The following LCP2 variants were observed in gnomAD, a reference collection of about 807,000 sequenced individuals.
LCP2 encodes the protein lymphocyte cytosolic protein 2, also known as 76 kDa tyrosine phosphoprotein.
A neutral mutation model predicts 74.5 loss-of-function variants in LCP2; 29 were observed. The observed-to-expected ratio is 0.39, with a 90% CI of 0.29 to 0.53. The LOEUF is 0.53. Ranked by LOEUF, LCP2 falls within the 20% of genes least tolerant of loss-of-function variation. LCP2 has a pLI of 0.72. For synonymous variants in LCP2, 228 were observed against 229.5 expected (o/e 0.99, Z 0.06); for missense variants, 604 against 634.6 (o/e 0.95, Z 0.52).
intron 6 of LCP2, among the ~76,000 whole-genome samples, 168 bp from the exon 7 acceptor site, chr5:170,271,085 A>G (rs1361322462): frequency 6.6e-6 from 1 of 152,168 alleles, no homozygotes; most frequent in African/African-American, 2.4e-5. Context: ...GTCAGGGAGC[A>G]CTGTACCACA....
rs1055811937 is a variant in LCP2, at chr5:170,267,024, G to T, written c.673C>A (p.His225Asn). Residue 225 changes from histidine (H) to asparagine (N), a missense_variant, in exon 9 of 21, where the codon CAC becomes AAC. Transcript: ENST00000046794. ...NHEEPSRSRN[H>N]KTAKLPAPSI... ...TTGTACTCACGCTTTGCCGTTTTGT[G>T]GTTTCTGCTTCTGCTGGGTTCTTCG... The T allele has an allele frequency of 1.9e-6, 3 of 1,613,838 alleles. No individual in the cohort carries two copies. The Admixed American group carries it at 5.0e-5, about 27-fold the overall frequency.
chr5:170,292,649 T>A (rs970362707), intron 2 of LCP2, among the ~76,000 whole-genome samples: 1 of 152,194 alleles, frequency 6.6e-6, no homozygotes, highest in Admixed American at 6.5e-5. Context: ...AAAGGATGGA[T>A]TGGTGCAGTC....
intron 6 of LCP2, among the ~76,000 whole-genome samples, chr5:170,272,568 GGTTATAACT>G (rs1761912443): frequency 7.2e-6 from 1 of 138,628 alleles, no homozygotes; most frequent in African/African-American, 2.7e-5. Context: ...AAATGAGATC[GGTTATAACT>G]GTAACCCATC....
Position 170,247,708 on chromosome 5 carries a change from A to G in LCP2, c.*989T>C, listed in dbSNP as rs1224377626. 6.6e-6 allele frequency: 1 copy of G among 152,256 alleles called. No individual in the cohort carries two copies. The highest frequency in any genetic ancestry group is 1.5e-5 in the Non-Finnish European group (1 of 68,046). The allele number at this position is 152,256 out of a possible 1,614,324, so 9.4% of individuals were successfully genotyped here. On this transcript the variant is annotated 3_prime_UTR_variant, in exon 21 of 21. Coordinates refer to ENST00000046794, the MANE Select transcript of LCP2 (RefSeq NM_005565.5). Reference sequence around the variant, plus strand: ...GGGAAGGATGAGGAGAAGGGACTTTATGGCAGAGCTGTCAGGGGGATAACA... The same window carrying G: ...GGGAAGGATGAGGAGAAGGGACTTTGTGGCAGAGCTGTCAGGGGGATAACA...
Position 170,266,996 on chromosome 5 carries a change from C to T in LCP2, c.688+13G>A, listed in dbSNP as rs757954037. ...GTGGGAACAGGGCAAGAGAGAGCAGCCCTTGTACTCACGCTTTGCCGTTTT... is the reference window on the plus strand; with the variant it reads ...GTGGGAACAGGGCAAGAGAGAGCAGTCCTTGTACTCACGCTTTGCCGTTTT... On this transcript the variant is annotated intron_variant, in intron 9 of 20. Coordinates refer to ENST00000046794, the MANE Select transcript of LCP2 (RefSeq NM_005565.5). The T allele has an allele frequency of 1.5e-5, 24 of 1,613,772 alleles. No individual in the cohort carries two copies. Among genetic ancestry groups the T allele is most frequent in the Non-Finnish European group, 2.0e-5 (24 of 1,179,858 alleles).
Position 170,249,326 on chromosome 5 carries a change from C to A in LCP2, c.1480-507G>T, listed in dbSNP as rs575622727. 9.5e-5 allele frequency among the ~76,000 whole-genome samples: 14 copies of A among 146,822 alleles called. No homozygotes were observed. In the Admixed American group the frequency reaches 9.6e-4, roughly 10 times the overall value. The stretch of plus-strand genomic sequence containing the variant: ...CTGGGTAACAAGAAGGAAACTCCAT[C>A]TCAAAAAAAAATAGATAAAATATGT... On this transcript the variant is annotated intron_variant, in intron 20 of 20. Coordinates refer to ENST00000046794, the MANE Select transcript of LCP2 (RefSeq NM_005565.5).
chr5:170,272,152 C>G (rs371315873), intron 6 of LCP2, among the ~76,000 whole-genome samples: 2 of 152,152 alleles, frequency 1.3e-5, no homozygotes, highest in East Asian at 3.8e-4. Context: ...CTTTCCTCAC[C>G]CTGTCTACCC....
intron 16 of LCP2, among the ~76,000 whole-genome samples, chr5:170,257,335 G>C (rs530634455): frequency 2.6e-5 from 4 of 152,322 alleles, no homozygotes; most frequent in Admixed American, 6.5e-5. Flanking sequence ...TCCCAGGGCA[G>C]AGGAAACATT....
At chr5:170,291,644 A>T (rs1215481874) in intron 2 of LCP2, among the ~76,000 whole-genome samples, 1 of 152,202 alleles carries the variant, frequency 6.6e-6, no homozygotes, top group East Asian at 1.9e-4. Context: ...GGGGAATTAC[A>T]GAGCCGGGAG....
chr5:170,289,966 T>A (rs77231147), intron 2 of LCP2, among the ~76,000 whole-genome samples: 3 of 152,032 alleles, frequency 2.0e-5, no homozygotes, highest in Non-Finnish European at 4.4e-5. Flanking sequence ...TTCAGGAAGA[T>A]TGTGGAGGAG....
At chr5:170,263,368 A>C (rs1761696731) in intron 10 of LCP2, among the ~76,000 whole-genome samples, 1 of 152,184 alleles carries the variant, frequency 6.6e-6, no homozygotes, top group Non-Finnish European at 1.5e-5. Context: ...TCTGCAGCCT[A>C]AGTTTTATTT....
chr5:170,248,946 G>T, intron 20 of LCP2, 127 bp from the exon 21 acceptor site: 1 of 888,054 alleles, frequency 1.1e-6, no homozygotes. Flanking sequence ...GGGAAAAAAT[G>T]TAAATGTGGC....
chr5:170,262,585 T>C, intron 13 of LCP2, 50 bp downstream of exon 13: 1 of 1,408,178 alleles, frequency 7.1e-7, no homozygotes, highest in Non-Finnish European at 9.9e-7. Flanking sequence ...CAGGGCAGCC[T>C]GTCTGCCGGC....
chr5:170,268,647 C>T (rs1358042146), intron 7 of LCP2, among the ~76,000 whole-genome samples, 165 bp from the exon 8 acceptor site: 2 of 152,130 alleles, frequency 1.3e-5, no homozygotes. Flanking sequence ...TCACCCACCC[C>T]TCCCTGCCCA....
In LCP2 at chr5:170,258,874, T is replaced by C; in HGVS notation, c.962A>G (p.Glu321Gly). 1 of 1,585,194 alleles carries C rather than the reference T, an allele frequency of 6.3e-7. No individual in the cohort carries two copies. The highest frequency in any genetic ancestry group is 1.7e-5 in the Admixed American group (1 of 58,118). Residue 321 changes from glutamate to glycine, a missense_variant, in exon 15 of 21, where the codon GAA (glutamate) becomes GGA (glycine). Glu to Gly is a moderately conservative substitution (Grantham distance 98). Transcript: ENST00000046794. ...TGTGTTTCCGAACATACCATCATCT[T>C]CATCCTGGGAAGGGGAAGAAAAAAA... ...GWGPDRREND[E>G]DDVHQRPLPQ...
chr5:170,255,501 A>T (rs944656846), intron 17 of LCP2, among the ~76,000 whole-genome samples: 7 of 152,254 alleles, frequency 4.6e-5, no homozygotes, highest in African/African-American at 1.7e-4. Context: ...TCAACATTTA[A>T]AAATTAAATA....
In LCP2 at chr5:170,295,388, A is replaced by T. The variant is rs144558984; in HGVS notation, c.79-2016T>A. On this transcript the variant is annotated intron_variant, in intron 1 of 20. Coordinates refer to ENST00000046794, the MANE Select transcript of LCP2 (RefSeq NM_005565.5). The stretch of plus-strand genomic sequence containing the variant: ...CGCATTAGGATCCATTTGTCTGCTG[A>T]GTGCCTTGCACACATCATTTGCTTT... Among the ~76,000 whole-genome samples, 13 of 152,366 alleles carry T rather than the reference A, an allele frequency of 8.5e-5. No homozygotes were observed. The East Asian group carries it at 2.5e-3, about 29-fold the overall frequency.
At chr5:170,259,294 G>A (rs954239162) in intron 14 of LCP2, among the ~76,000 whole-genome samples, 2 of 152,124 alleles carry the variant, frequency 1.3e-5, no homozygotes, top group African/African-American at 4.8e-5. Flanking sequence ...TCCTTAGCTT[G>A]CCAGGAGTTG....
intron 15 of LCP2, 118 bp downstream of exon 15, chr5:170,258,748 A>AAT (rs1353526572): frequency 1.5e-6 from 1 of 658,854 alleles, no homozygotes; most frequent in Non-Finnish European, 2.6e-6. Context: ...ACTTAATACT[A>AAT]ATTTAAGACT....
Sources: allele counts gnomAD v4.1 joint callset (sites outside exome capture counted in the v4.1 genomes callset), GRCh38; gene constraint gnomAD v4.1.1; transcripts MANE v1.5; gene names NCBI Gene and HGNC (gene_info 2026-07-23, HGNC 2026-07-21).